Variants in KDELR3 observed in about 807,000 individuals in gnomAD.
KDELR3 encodes KDEL endoplasmic reticulum protein retention receptor 3.
KDELR3 carries 26 observed loss-of-function variants against 22.7 expected under a neutral mutation model. The ratio of observed to expected loss-of-function variants is 1.15; its 90% confidence interval spans 0.84 to 1.59. KDELR3 has a LOEUF of 1.59. KDELR3 is among the 40% of genes most tolerant of loss of function. KDELR3 has a pLI of 0.00. For missense variants in KDELR3, 289 were observed against 251.1 expected (o/e 1.15, Z -1.02); for synonymous variants, 120 against 98.2 (o/e 1.22, Z -1.31).
At chr22:38,479,448 C>A in intron 2 of KDELR3, 145 bp from the exon 3 acceptor site, 1 of 713,196 alleles carries the variant, frequency 1.4e-6, no homozygotes, top group Non-Finnish European at 2.4e-6. Flanking sequence ...GCAACTGGAC[C>A]CAAGATAAAT....
intron 1 of KDELR3, among the ~76,000 whole-genome samples, chr22:38,472,744 G>A (rs2089532909): frequency 6.6e-6 from 1 of 152,118 alleles, no homozygotes; most frequent in Admixed American, 6.5e-5. Context: ...TTGTTGCCCA[G>A]GCTGGAGTGC....
At chr22:38,482,248 T>C (rs1272230864) in intron 4 of KDELR3, among the ~76,000 whole-genome samples, 1 of 152,196 alleles carries the variant, frequency 6.6e-6, no homozygotes, top group African/African-American at 2.4e-5. Context: ...CTGATTTGAT[T>C]GTATGAGATG....
In KDELR3 at chr22:38,482,513, T is replaced by A. The variant is rs781600550; in HGVS notation, c.622T>A (p.Leu208Ile). 1.2e-6 allele frequency: 2 copies of A among 1,612,952 alleles called. No homozygotes were observed. The highest frequency in any genetic ancestry group is 1.7e-5 in the Admixed American group (1 of 60,024). The change falls in exon 5 of 5, where the codon TTA becomes ATA. Residue 208 changes from leucine to isoleucine, a missense_variant. Leu to Ile is a conservative substitution (Grantham distance 5). Transcript: ENST00000216014. ...TCTTCCAGTCCTTAAGGGAAAGAAG[T>A]TAAGTCTTCCAATGCCAATCTGAGG... ...YVTKVLKGKK[L>I]SLPMPI
intron 2 of KDELR3, among the ~76,000 whole-genome samples, chr22:38,478,039 G>A (rs905881925): frequency 6.6e-6 from 1 of 152,176 alleles, no homozygotes; most frequent in African/African-American, 2.4e-5. Flanking sequence ...GAGGGGAGAT[G>A]GACTTGTACC....
chr22:38,474,303 G>A (rs2089543611), intron 1 of KDELR3: 2 of 472,940 alleles, frequency 4.2e-6, no homozygotes, highest in Middle Eastern at 5.6e-4. Context: ...TGGAGACTGG[G>A]AGACAGATTA....
intron 1 of KDELR3, among the ~76,000 whole-genome samples, chr22:38,470,344 G>A (rs1029853470): frequency 1.3e-5 from 2 of 152,162 alleles, no homozygotes; most frequent in East Asian, 1.9e-4. Context: ...GGCTGGTCTC[G>A]AACTCCTGGG....
In KDELR3 at chr22:38,480,413, G is replaced by A. The variant is rs376189212; in HGVS notation, c.351+662G>A. Among the ~76,000 whole-genome samples the A allele has an allele frequency of 1.1e-4, 16 of 152,174 alleles. 1 individual carries two copies. The East Asian group carries it at 1.5e-3, about 15-fold the overall frequency. ...CCCACCTCGGCCTCCCAAAGTTCTC[G>A]GATTATAGGTGTGAGCCTGGCAACA... On this transcript the variant is annotated intron_variant, in intron 3 of 4. Coordinates refer to ENST00000216014, the MANE Select transcript of KDELR3 (RefSeq NM_006855.4).
Position 38,481,223 on chromosome 22 carries a change from TTTC to T in KDELR3, c.365_367del (p.Phe122del), listed in dbSNP as rs766354740. On this transcript the variant is annotated inframe_deletion, in exon 4 of 5. Transcript: ENST00000216014. ...TCTCTTTGGCTCAGATCCTCTGGAC[TTTC>T]TCTATCTATCTGGAATCAGTGGCTA... 1.2e-5 allele frequency: 19 copies of T among 1,613,564 alleles called. No homozygotes were observed. Among genetic ancestry groups the T allele is most frequent in the Admixed American group, 1.7e-5 (1 of 59,950 alleles).
chr22:38,473,988 GAA>G (rs2089541482), intron 1 of KDELR3, among the ~76,000 whole-genome samples: 1 of 151,452 alleles, frequency 6.6e-6, no homozygotes, highest in African/African-American at 2.4e-5. Flanking sequence ...AAAGAAAAAA[GAA>G]AAAAGAAAAA....
chr22:38,474,203 G>A (rs542210956), intron 1 of KDELR3: 175 of 239,308 alleles, frequency 7.3e-4, no homozygotes, highest in Non-Finnish European at 1.0e-3. Context: ...CACCAAGCCC[G>A]ACTCACACCA....
chr22:38,470,638 C>T (rs1248861936), intron 1 of KDELR3, among the ~76,000 whole-genome samples: 3 of 152,122 alleles, frequency 2.0e-5, no homozygotes, highest in African/African-American at 4.8e-5. Context: ...TCACTCCTCC[C>T]CTTGACTCGC....
At chr22:38,470,214 C>G (rs2089516579) in intron 1 of KDELR3, among the ~76,000 whole-genome samples, 1 of 151,864 alleles carries the variant, frequency 6.6e-6, no homozygotes, top group African/African-American at 2.4e-5. Context: ...ACCTCTGCCT[C>G]CCAGGTTCAA....
intron 1 of KDELR3, among the ~76,000 whole-genome samples, chr22:38,471,243 G>A (rs1013902332): frequency 3.3e-5 from 5 of 152,212 alleles, no homozygotes; most frequent in Non-Finnish European, 7.3e-5. Flanking sequence ...GGCTGAGGAT[G>A]AAGAGAAAAG....
intron 3 of KDELR3, among the ~76,000 whole-genome samples, chr22:38,480,768 A>G (rs532629261): frequency 1.3e-5 from 2 of 151,830 alleles, no homozygotes; most frequent in East Asian, 2.0e-4. Flanking sequence ...AATAAATAAA[A>G]AAGTTATTTT....
intron 1 of KDELR3, among the ~76,000 whole-genome samples, chr22:38,472,078 G>A (rs926422803): frequency 3.3e-5 from 5 of 152,186 alleles, no homozygotes; most frequent in Non-Finnish European, 7.4e-5. Context: ...AGACAGCACA[G>A]TAGTTCCCCC....
rs1318528395 is a variant in KDELR3 at position 38,481,435 on chromosome 22, G to A, written c.575G>A (p.Cys192Tyr). ...VSGVVQTIFYCDFFYLYVTKV... is the reference protein window; with the variant it reads ...VSGVVQTIFYYDFFYLYVTKV... ...GGAGTAGTACAAACCATCTTCTACT[G>A]TGACTTCTTCTACTTGTATGTGACC... Residue 192 changes from cysteine (C) to tyrosine (Y), a missense_variant, in exon 4 of 5, where the codon TGT becomes TAT. Cys to Tyr is a radical substitution (Grantham distance 194). Coordinates refer to ENST00000216014, the MANE Select transcript of KDELR3 (RefSeq NM_006855.4). 1.9e-6 allele frequency: 3 copies of A among 1,614,026 alleles called. No individual in the cohort carries two copies. The highest frequency in any genetic ancestry group is 3.3e-5 in the Admixed American group (2 of 60,002).
chr22:38,468,208 C>A lies in KDELR3; in HGVS notation c.-26C>A, dbSNP rs759126970. 7 of 1,608,860 alleles carry A rather than the reference C, an allele frequency of 4.4e-6. No homozygotes were observed. The East Asian group carries it at 1.3e-4, about 31-fold the overall frequency. On this transcript the variant is annotated 5_prime_UTR_variant, in exon 1 of 5. Transcript: ENST00000216014. ...AAGTTTCCTAGAAGTTTGCTGGGCG[C>A]GGGCGCACGACTGACTGGCTGGACC...
chr22:38,469,469 G>T (rs2089510331), intron 1 of KDELR3, among the ~76,000 whole-genome samples: 1 of 152,204 alleles, frequency 6.6e-6, no homozygotes, highest in African/African-American at 2.4e-5. Context: ...GGCAGGGTGG[G>T]GGTTGGTGCA....
At position 38,474,533 on chromosome 22, in the gene KDELR3, G is replaced by A; in HGVS notation, c.102G>A (p.Gly34=). 6.2e-7 allele frequency: 1 copy of A among 1,613,852 alleles called. No homozygotes were observed. Among genetic ancestry groups the A allele is most frequent in the Non-Finnish European group, 8.5e-7 (1 of 1,179,914 alleles). The change falls in exon 2 of 5, where the codon GGG becomes GGA. Residue 34 remains glycine (G), a synonymous_variant. Transcript: ENST00000216014. ...TACCCTTGGCCACAGGCATCTCTGG[G>A]AAGAGCCAGATCCTGTTTGCTCTCG... The part of the protein sequence containing the change: ...WRSKCCKGIS[G]KSQILFALVF...
Sources: gnomAD v4.1 joint callset for allele counts (sites outside exome capture counted in the v4.1 genomes callset) on GRCh38, gnomAD v4.1.1 for gene constraint, MANE v1.5 for transcripts, NCBI Gene and HGNC (gene_info 2026-07-23, HGNC 2026-07-21) for gene names.